SLC10A7: variants seen among roughly 807,000 people sequenced by gnomAD.
SLC10A7 encodes sodium/bile acid cotransporter 7.
SLC10A7 carries 29 observed loss-of-function variants against 43.2 expected under a neutral mutation model. The ratio of observed to expected loss-of-function variants is 0.67; its 90% confidence interval spans 0.50 to 0.92. The LOEUF (loss-of-function observed/expected upper bound fraction) is 0.92. Ranked by LOEUF, SLC10A7 falls within the 40% of genes least tolerant of loss-of-function variation. SLC10A7 has a pLI of 0.00. For synonymous variants in SLC10A7, 152 were observed against 144.8 expected, an observed-to-expected ratio of 1.05 and a Z score of -0.35; for missense variants, 295 against 403.2, an observed-to-expected ratio of 0.73 and a Z score of 2.30.
chr4:146,482,323 G>T (rs1734548914), intron 4 of SLC10A7, among the ~76,000 whole-genome samples: 1 of 151,938 alleles, frequency 6.6e-6, no homozygotes, highest in South Asian at 2.1e-4. Flanking sequence ...ATGATCTTAA[G>T]GAAACTCAGC....
chr4:146,322,860 T>A (rs974925013), intron 6 of SLC10A7, among the ~76,000 whole-genome samples: 2 of 152,168 alleles, frequency 1.3e-5, no homozygotes, highest in Admixed American at 6.5e-5. Flanking sequence ...TGTTCCTATT[T>A]CTCCATATCC....
intron 5 of SLC10A7, among the ~76,000 whole-genome samples, chr4:146,391,695 T>G (rs1370786920): frequency 2.0e-5 from 3 of 152,156 alleles, no homozygotes; most frequent in Non-Finnish European, 2.9e-5. Flanking sequence ...AATCAGTAAT[T>G]GTCATTAAAA....
chr4:146,424,155 G>A (rs1350930472), intron 5 of SLC10A7, among the ~76,000 whole-genome samples: 1 of 152,138 alleles, frequency 6.6e-6, no homozygotes, highest in African/African-American at 2.4e-5. Flanking sequence ...AGGCTCAAAT[G>A]GTTCTCCCAC....
chr4:146,275,781 T>G (rs1237605286), intron 10 of SLC10A7, among the ~76,000 whole-genome samples: 2 of 138,380 alleles, frequency 1.4e-5, no homozygotes, highest in Non-Finnish European at 3.1e-5. Context: ...CCCATAGAAG[T>G]TTTTTTTTTT....
At chr4:146,411,011 T>G (rs929161980) in intron 5 of SLC10A7, among the ~76,000 whole-genome samples, 1 of 152,024 alleles carries the variant, frequency 6.6e-6, no homozygotes, top group Non-Finnish European at 1.5e-5. Flanking sequence ...TGTACTGTTT[T>G]TTTTAGTAAA....
intron 9 of SLC10A7, among the ~76,000 whole-genome samples, chr4:146,290,472 G>A (rs1288783105): frequency 6.6e-6 from 1 of 152,128 alleles, no homozygotes; most frequent in Non-Finnish European, 1.5e-5. Flanking sequence ...AGGGGACAGG[G>A]CGGGGAGGGG....
chr4:146,393,191 CAAAAAA>C (rs765135958), intron 5 of SLC10A7, among the ~76,000 whole-genome samples: 7 of 42,068 alleles, frequency 1.7e-4, no homozygotes, highest in African/African-American at 6.6e-4. Context: ...GGCCCTGTCT[CAAAAAA>C]AAAAAAAAAA....
chr4:146,339,545 G>A (rs906140608), intron 5 of SLC10A7, among the ~76,000 whole-genome samples: 1 of 152,032 alleles, frequency 6.6e-6, no homozygotes, highest in African/African-American at 2.4e-5. Flanking sequence ...CCTAAGAAAG[G>A]TTTGCACCTC....
intron 4 of SLC10A7, among the ~76,000 whole-genome samples, chr4:146,469,680 G>A (rs1481502121): frequency 6.6e-6 from 1 of 152,102 alleles, no homozygotes. Flanking sequence ...CCAGGCTTGA[G>A]CGCAGTGGCA....
chr4:146,299,542 G>A (rs1731015515), intron 7 of SLC10A7, among the ~76,000 whole-genome samples: 1 of 152,194 alleles, frequency 6.6e-6, no homozygotes, highest in Admixed American at 6.5e-5. Context: ...GTGAAAGGCG[G>A]CAAGGTGTTT....
chr4:146,519,382 A>C (rs942830910), intron 1 of SLC10A7, among the ~76,000 whole-genome samples: 2 of 148,674 alleles, frequency 1.3e-5, no homozygotes, highest in African/African-American at 2.5e-5. Context: ...TGTCTTAGGC[A>C]TTTGTAGTAC....
intron 5 of SLC10A7, among the ~76,000 whole-genome samples, chr4:146,394,189 T>C (rs10000604): frequency 0.24 from 35,968 of 152,098 alleles, 4,662 homozygotes; most frequent in African/African-American, 0.34. Context: ...GATTTCGAAT[T>C]CTCATAATCC....
chr4:146,418,224 T>C (rs947607762), intron 5 of SLC10A7, among the ~76,000 whole-genome samples: 8 of 152,150 alleles, frequency 5.3e-5, no homozygotes, highest in Non-Finnish European at 8.8e-5. Context: ...ATTCAAACAT[T>C]GTCCAATGTT....
intron 5 of SLC10A7, among the ~76,000 whole-genome samples, chr4:146,395,186 T>C (rs894307865): frequency 6.6e-6 from 1 of 151,728 alleles, no homozygotes; most frequent in East Asian, 1.9e-4. Flanking sequence ...CTCAGCAATA[T>C]AGCAAGACCC....
chr4:146,356,468 C>A (rs1185771050), intron 5 of SLC10A7, among the ~76,000 whole-genome samples: 8 of 152,028 alleles, frequency 5.3e-5, no homozygotes, highest in Non-Finnish European at 7.4e-5. Context: ...TCATTTGATT[C>A]TGGAATATTG....
intron 5 of SLC10A7, among the ~76,000 whole-genome samples, chr4:146,400,387 C>T (rs996546864): frequency 6.6e-6 from 1 of 151,986 alleles, no homozygotes; most frequent in African/African-American, 2.4e-5. Context: ...GAAAGAAGAG[C>T]ATAAAATAGG....
intron 5 of SLC10A7, among the ~76,000 whole-genome samples, chr4:146,350,075 G>T (rs1215743859): frequency 1.3e-5 from 2 of 151,990 alleles, no homozygotes; most frequent in Non-Finnish European, 1.5e-5. Flanking sequence ...CTCCCAGCGT[G>T]AGCGACGCAG....
intron 2 of SLC10A7, among the ~76,000 whole-genome samples, chr4:146,513,142 G>GA (rs1004752669): frequency 1.1e-4 from 16 of 143,564 alleles, no homozygotes; most frequent in Admixed American, 4.2e-4. Context: ...GTGGAAGAGT[G>GA]AAAAAAAAAA....
chr4:146,309,198 G>C (rs763904325), intron 6 of SLC10A7, among the ~76,000 whole-genome samples: 4 of 152,074 alleles, frequency 2.6e-5, no homozygotes, highest in Non-Finnish European at 5.9e-5. Flanking sequence ...TGCTGAATTG[G>C]CCACCCTCTC....
Sources: gnomAD v4.1 joint callset for allele counts (sites outside exome capture counted in the v4.1 genomes callset) on GRCh38, gnomAD v4.1.1 for gene constraint, MANE v1.5 for transcripts, NCBI Gene and HGNC (gene_info 2026-07-23, HGNC 2026-07-21) for gene names.